Variants in PSMB7 observed in about 807,000 individuals in gnomAD.
PSMB7 encodes proteasome subunit beta type-7.
In PSMB7, 5 loss-of-function variants were observed where a neutral mutation model predicts 28.1. The observed-to-expected ratio is 0.18, with a 90% confidence interval of 0.09 to 0.37. The LOEUF is 0.37. Among genes scored for constraint, PSMB7 ranks in the 10% least tolerant of loss-of-function variants. The probability of loss-of-function intolerance (pLI) is 1.00; values close to 1 mark genes in which losing one functional copy is unlikely to be tolerated. For synonymous variants in PSMB7, 122 were observed against 123.7 expected, an observed-to-expected ratio of 0.99 and a Z score of 0.09; for missense variants, 275 against 346.2, an observed-to-expected ratio of 0.79 and a Z score of 1.63.
intron 5 of PSMB7, among the ~76,000 whole-genome samples, chr9:124,387,847 G>A (rs1830741775): frequency 6.6e-6 from 1 of 150,868 alleles, no homozygotes. Context: ...ATAATTTCAA[G>A]GCAATGCAGT....
intron 5 of PSMB7, among the ~76,000 whole-genome samples, chr9:124,398,018 AT>A: frequency 6.6e-6 from 1 of 152,268 alleles, no homozygotes; most frequent in East Asian, 1.9e-4. Context: ...AAATACAAAA[AT>A]TAGCAGGGCG....
At position 124,356,883 on chromosome 9, in the gene PSMB7, G is replaced by A. The variant is rs766307811; in HGVS notation, c.603C>T (p.Ala201=). 1.3e-5 allele frequency: 21 copies of A among 1,614,038 alleles called. No individual in the cohort carries two copies. In the African/African-American group the frequency reaches 2.7e-4, roughly 21 times the overall value. Residue 201 remains alanine, a synonymous_variant, in exon 7 of 8, where the codon GCC becomes GCT. Coordinates refer to ENST00000259457, the MANE Select transcript of PSMB7 (RefSeq NM_002799.4). This position sits in a 1 kb window ranked among gnomAD's most constrained non-coding sequence, Gnocchi z 4.4. ...EEEAKNLVSE[A]IAAGIFNDLG... ...GGTCGTTGAAGATGCCAGCTGCGATGGCTTCGCTCACCAGATTCTTGGCTT... is the reference window on the plus strand; with the variant it reads ...GGTCGTTGAAGATGCCAGCTGCGATAGCTTCGCTCACCAGATTCTTGGCTT...
chr9:124,359,910 A>G (rs969871433), intron 6 of PSMB7, among the ~76,000 whole-genome samples: 7 of 152,156 alleles, frequency 4.6e-5, no homozygotes, highest in Admixed American at 3.9e-4. Flanking sequence ...CTTATTTAAC[A>G]TATCCCTCCC....
At chr9:124,414,994 C>G in intron 1 of PSMB7, 59 bp from the exon 2 acceptor site, 4 of 1,183,746 alleles carry the variant, frequency 3.4e-6, no homozygotes, top group Non-Finnish European at 4.9e-6. Flanking sequence ...ACAGCACTGG[C>G]ATGAAAAGTG....
chr9:124,412,337 A>G lies in PSMB7; in HGVS notation c.395+15T>C. 1 of 1,612,946 alleles carries G rather than the reference A, an allele frequency of 6.2e-7. No individual in the cohort carries two copies. The highest frequency in any genetic ancestry group is 8.5e-7 in the Non-Finnish European group (1 of 1,179,026). On this transcript the variant is annotated intron_variant, in intron 4 of 7. Coordinates refer to ENST00000259457, the MANE Select transcript of PSMB7 (RefSeq NM_002799.4). The stretch of plus-strand genomic sequence containing the variant: ...GAAGAAGATACTAGTAGGAATCCCC[A>G]TTCTGGAAACTTACCTGAAAAGCAT...
chr9:124,397,288 A>G (rs1830852851), intron 5 of PSMB7, among the ~76,000 whole-genome samples: 1 of 152,198 alleles, frequency 6.6e-6, no homozygotes, highest in South Asian at 2.1e-4. Flanking sequence ...CGCTGCTCTC[A>G]TTGTAGTCAA....
At chr9:124,371,254 G>A (rs1393403511) in intron 6 of PSMB7, among the ~76,000 whole-genome samples, 1 of 152,184 alleles carries the variant, frequency 6.6e-6, no homozygotes, top group Non-Finnish European at 1.5e-5. Context: ...TACCTGCCAA[G>A]GCAAAACTTA....
chr9:124,358,501 C>T (rs985125750), intron 6 of PSMB7, among the ~76,000 whole-genome samples: 1 of 152,200 alleles, frequency 6.6e-6, no homozygotes, highest in South Asian at 2.1e-4. Flanking sequence ...GGAATTTTCT[C>T]CTGGAATTCT....
rs530057076 is a variant in PSMB7, at chr9:124,410,446, C to T, written c.395+1906G>A. On this transcript the variant is annotated intron_variant, in intron 4 of 7. Transcript: ENST00000259457. Reference sequence around the variant, plus strand: ...TTAAAAATTGCCTTTATTACATAGACACATCGTGTAGAAAAAAAGTTTTCA... The same window carrying T: ...TTAAAAATTGCCTTTATTACATAGATACATCGTGTAGAAAAAAAGTTTTCA... Among the ~76,000 whole-genome samples the T allele has an allele frequency of 9.9e-5, 15 of 152,208 alleles. No homozygotes were observed. In the South Asian group the frequency reaches 2.5e-3, roughly 25 times the overall value.
chr9:124,409,045 G>T (rs536815445), intron 4 of PSMB7, among the ~76,000 whole-genome samples: 2 of 152,300 alleles, frequency 1.3e-5, no homozygotes, highest in Non-Finnish European at 2.9e-5. Context: ...TGAAGGGTGT[G>T]TAACAATCTC....
chr9:124,413,847 T>G, intron 3 of PSMB7, 61 bp downstream of exon 3: 6 of 1,218,440 alleles, frequency 4.9e-6, no homozygotes, highest in Non-Finnish European at 7.1e-6. Context: ...CACAGGAAGG[T>G]CAATTTTTAG....
intron 2 of PSMB7, 84 bp downstream of exon 2, chr9:124,414,758 G>T: frequency 8.6e-7 from 1 of 1,167,356 alleles, no homozygotes; most frequent in Non-Finnish European, 1.3e-6. Context: ...TTTCCAGACC[G>T]AGCCGGGAGA....
At chr9:124,412,209 G>T (rs1388176696) in intron 4 of PSMB7, 143 bp downstream of exon 4, 2 of 868,730 alleles carry the variant, frequency 2.3e-6, no homozygotes, top group African/African-American at 1.7e-5. Flanking sequence ...ATTTAAAATG[G>T]CTCTTTAATA....
intron 5 of PSMB7, chr9:124,396,766 C>G (rs1004361830): frequency 4.2e-6 from 2 of 470,790 alleles, no homozygotes; most frequent in Admixed American, 2.4e-5. Context: ...AATGCTGCTA[C>G]AAGGAACACT....
chr9:124,354,812 C>G (rs532940403), intron 7 of PSMB7, among the ~76,000 whole-genome samples: 19 of 152,250 alleles, frequency 1.2e-4, no homozygotes, highest in Non-Finnish European at 1.9e-4. Flanking sequence ...CACGTGGCCT[C>G]TGTGTGCCTG....
At chr9:124,401,982 G>GCA (rs1457117295) in intron 5 of PSMB7, among the ~76,000 whole-genome samples, 1 of 149,640 alleles carries the variant, frequency 6.7e-6, no homozygotes, top group Non-Finnish European at 1.5e-5. Context: ...TCATGCCACT[G>GCA]CACACCAGAC....
intron 2 of PSMB7, among the ~76,000 whole-genome samples, chr9:124,414,252 C>T (rs537379056): frequency 6.6e-6 from 1 of 152,298 alleles, no homozygotes; most frequent in South Asian, 2.1e-4. Context: ...GCTCAGGTGT[C>T]GGGTAAATTC....
chr9:124,370,801 T>C (rs1830555050), intron 6 of PSMB7, among the ~76,000 whole-genome samples: 1 of 152,226 alleles, frequency 6.6e-6, no homozygotes, highest in Non-Finnish European at 1.5e-5. Context: ...TTTACCATTT[T>C]ATAGTTTAGG....
At chr9:124,408,263 G>A (rs1830988775) in intron 4 of PSMB7, among the ~76,000 whole-genome samples, 1 of 152,166 alleles carries the variant, frequency 6.6e-6, no homozygotes, top group East Asian at 1.9e-4. Flanking sequence ...TGTCAAGGGA[G>A]AGCTTTGACA....
Sources: allele counts gnomAD v4.1 joint callset (sites outside exome capture counted in the v4.1 genomes callset), GRCh38; gene constraint gnomAD v4.1.1; non-coding constraint Gnocchi (gnomAD v3.1); transcripts MANE v1.5; gene names NCBI Gene and HGNC (gene_info 2026-07-23, HGNC 2026-07-21).